The following CEP290 variants were observed in gnomAD, a reference collection of about 807,000 sequenced individuals.
The protein encoded by CEP290 is centrosomal protein of 290 kDa.
Under a neutral mutation model 344.9 loss-of-function variants are expected in CEP290, and 317 were observed. The ratio of observed to expected loss-of-function variants is 0.92; its 90% CI spans 0.84 to 1.01. The LOEUF is 1.01. CEP290 is among the 50% of genes least tolerant of loss of function. CEP290 has a pLI of 0.00. For missense variants in CEP290, 2,754 were observed against 2,761.4 expected, an observed-to-expected ratio of 1.00 and a Z score of 0.06; for synonymous variants, 932 against 895.8, an observed-to-expected ratio of 1.04 and a Z score of -0.72.
At position 88,079,160 on chromosome 12, in the gene CEP290, C is replaced by A. The variant is rs2137081594; in HGVS notation, c.5296G>T (p.Ala1766Ser). Residue 1766 changes from alanine (A) to serine (S), a missense_variant, in exon 39 of 54, where the codon GCA (alanine) becomes TCA (serine). Coordinates refer to ENST00000552810, the MANE Select transcript of CEP290 (RefSeq NM_025114.4). ...TAAAEERIISATSQKEAHLNV... is the reference protein window; with the variant it reads ...TAAAEERIISSTSQKEAHLNV... ...AGATGGGCCTCTTTTTGAGAAGTTG[C>A]AGAAATAATACGTTCTTCAGCAGCT... The A allele has an allele frequency of 6.2e-7, 1 of 1,603,096 alleles. No individual in the cohort carries two copies. The highest frequency in any genetic ancestry group is 8.5e-7 in the Non-Finnish European group (1 of 1,175,744).
intron 26 of CEP290, among the ~76,000 whole-genome samples, chr12:88,101,878 C>CT (rs1565868935): frequency 6.6e-6 from 1 of 152,122 alleles, no homozygotes; most frequent in African/African-American, 2.4e-5. Flanking sequence ...ATAATCACCT[C>CT]TCTTTGGCAA....
chr12:88,093,991 T>C lies in CEP290; in HGVS notation c.3104-16A>G, dbSNP rs2037246037. 7 of 1,561,352 alleles carry C rather than the reference T, an allele frequency of 4.5e-6. No individual in the cohort carries two copies. Among genetic ancestry groups the C allele is most frequent in the Non-Finnish European group, 5.2e-6 (6 of 1,148,066 alleles). ...GATTCATTACCTACATGCAATAATA[T>C]TTAAGTCAATCTCATGCTGTTTATA... On this transcript the variant is annotated splice_polypyrimidine_tract_variant and intron_variant, in intron 27 of 53. Coordinates refer to ENST00000552810, the MANE Select transcript of CEP290 (RefSeq NM_025114.4).
chr12:88,130,705 T>G, intron 7 of CEP290, 140 bp from the exon 8 acceptor site: 1 of 563,344 alleles, frequency 1.8e-6, no homozygotes, highest in Non-Finnish European at 2.9e-6. Flanking sequence ...GAAAGAATAC[T>G]AATTATCTAC....
rs565676272 is a variant in CEP290 at position 88,125,459 on chromosome 12, G to C, written c.1066-90C>G. On this transcript the variant is annotated intron_variant, in intron 12 of 53. Transcript: ENST00000552810. ...AAGTACGTCTGATTTTTTTCAACAA[G>C]ACTGTAGAACATATTTTCTTGTGGG... 7.7e-4 allele frequency: 436 copies of C among 563,418 alleles called. 2 individuals carry two copies. Among genetic ancestry groups the C allele is most frequent in the Non-Finnish European group, 6.9e-5 (26 of 375,694 alleles). 34.9% of individuals were successfully genotyped at this position (563,418 alleles called of 1,614,324 possible). A position where few individuals can be genotyped will look rare whatever the true frequency, so the allele number is the denominator to read the frequency against.
intron 47 of CEP290, 84 bp downstream of exon 47, chr12:88,060,746 A>G (rs2034414897): frequency 1.0e-6 from 1 of 991,980 alleles, no homozygotes; most frequent in Non-Finnish European, 1.5e-6. Flanking sequence ...CATTTTATAT[A>G]GTAATGAGCA....
At chr12:88,121,603 A>G (rs1331953265) in intron 13 of CEP290, among the ~76,000 whole-genome samples, 2 of 135,650 alleles carry the variant, frequency 1.5e-5, no homozygotes, top group African/African-American at 5.5e-5. Flanking sequence ...CAAAGTTCAT[A>G]TGTGAATTTC....
chr12:88,112,389 T>C (rs751174582), intron 20 of CEP290, among the ~76,000 whole-genome samples: 1 of 152,166 alleles, frequency 6.6e-6, no homozygotes, highest in Non-Finnish European at 1.5e-5. Flanking sequence ...AATTTTTCAG[T>C]GCTTCCTCTC....
intron 32 of CEP290, 56 bp from the exon 33 acceptor site, chr12:88,086,554 A>C: frequency 8.5e-7 from 1 of 1,175,736 alleles, no homozygotes; most frequent in Non-Finnish European, 1.2e-6. Flanking sequence ...GGCACATAAC[A>C]GGCATTTTAT....
intron 22 of CEP290, among the ~76,000 whole-genome samples, chr12:88,110,253 G>A (rs929274534): frequency 1.4e-4 from 22 of 152,166 alleles, no homozygotes; most frequent in Middle Eastern, 6.8e-3. Flanking sequence ...ATAAAATAAT[G>A]AAAAGGATCT....
At chr12:88,052,612 A>G (rs769653147) in intron 52 of CEP290, among the ~76,000 whole-genome samples, 5 of 152,186 alleles carry the variant, frequency 3.3e-5, no homozygotes, top group Non-Finnish European at 7.3e-5. Context: ...TGCTACGGGA[A>G]ATATGTACAG....
rs772088416 is a variant in CEP290, at chr12:88,083,048, A to C, written c.4995T>G (p.Phe1665Leu). ...AGACTTACTGTAATTTGATATTTTCAAATTCTTTTACTTTTAATTCAGTGA... is the reference window on the plus strand; with the variant it reads ...AGACTTACTGTAATTTGATATTTTCCAATTCTTTTACTTTTAATTCAGTGA... ...REITELKVKE[F>L]ENIKLQLQEN... Residue 1665 changes from phenylalanine (F) to leucine (L), a missense_variant, in exon 37 of 54, where the codon TTT (phenylalanine) becomes TTG (leucine). Coordinates refer to ENST00000552810, the MANE Select transcript of CEP290 (RefSeq NM_025114.4). 1 of 1,503,290 alleles carries C rather than the reference A, an allele frequency of 6.7e-7. No individual in the cohort carries two copies. The highest frequency in any genetic ancestry group is 2.3e-5 in the Admixed American group (1 of 43,580). The allele number at this position is 1,503,290 out of a possible 1,614,324, so 93.1% of individuals were successfully genotyped here.
rs377142184 is a variant in CEP290 at position 88,111,783 on chromosome 12, C to T, written c.2128G>A (p.Gly710Arg). Residue 710 changes from glycine (G) to arginine (R), a missense_variant, in exon 21 of 54, where the codon GGA (glycine) becomes AGA (arginine). By Grantham distance (125) the Gly-to-Arg change is moderately radical. Transcript: ENST00000552810. ...TCCTGTCTTAATTCTTCATTTCTTC[C>T]GGTAAGCTGATCAACTTGGGCTTTC... ...HLKAQVDQLT[G>R]RNEELRQELR... 6.9e-5 allele frequency: 111 copies of T among 1,606,732 alleles called. No homozygotes were observed. The highest frequency in any genetic ancestry group is 8.6e-5 in the Non-Finnish European group (101 of 1,177,018).
intron 49 of CEP290, 28 bp from the exon 50 acceptor site, chr12:88,055,745 A>T: frequency 7.2e-7 from 1 of 1,396,326 alleles, no homozygotes; most frequent in Non-Finnish European, 9.6e-7. Flanking sequence ...AAAAGTATAG[A>T]CATGGCAAAT....
Position 88,062,740 on chromosome 12 carries a change from A to G in CEP290, c.6309T>C (p.Leu2103=). The change falls in exon 46 of 54, where the codon CTT becomes CTC. Residue 2103 remains leucine (L), a synonymous_variant. Coordinates refer to ENST00000552810, the MANE Select transcript of CEP290 (RefSeq NM_025114.4). ...GCTGAACTTCTGCTTTTTCTTTCTT[A>G]AGAAATTCACACATTTCCTTCAAAT... ...VRDLKEMCEF[L]KKEKAEVQRK... is the part of the protein sequence containing the mutation. 3.1e-6 allele frequency: 5 copies of G among 1,598,136 alleles called. No individual in the cohort carries two copies. The highest frequency in any genetic ancestry group is 4.3e-6 in the Non-Finnish European group (5 of 1,171,304).
In CEP290 at chr12:88,107,879, G is replaced by A. The variant is rs540929684; in HGVS notation, c.2484-781C>T. ...ATAGCGCCACTGCACTCCAGCCTGGGTGACAGAGCAAGACTCTGTCTCAAG... is the reference window on the plus strand; with the variant it reads ...ATAGCGCCACTGCACTCCAGCCTGGATGACAGAGCAAGACTCTGTCTCAAG... On this transcript the variant is annotated intron_variant, in intron 23 of 53. Coordinates refer to ENST00000552810, the MANE Select transcript of CEP290 (RefSeq NM_025114.4). Among the ~76,000 whole-genome samples the A allele has an allele frequency of 2.5e-3, 372 of 151,500 alleles. 3 individuals carry two copies. The highest frequency in any genetic ancestry group is 8.6e-3 in the African/African-American group (354 of 41,258).
rs2033252841 is a variant in CEP290 at position 88,049,379 on chromosome 12, A to C, written c.7245T>G (p.Asn2415Lys). Residue 2415 changes from asparagine to lysine, a missense_variant, in exon 54 of 54, where the codon AAT becomes AAG. Transcript: ENST00000552810. ...TTTCTTCAAAAAATGAAGGATCAAAATTTTCCAGTTCTTTTTTCAGCTTCT... is the reference window on the plus strand; with the variant it reads ...TTTCTTCAAAAAATGAAGGATCAAACTTTTCCAGTTCTTTTTTCAGCTTCT... ...EIKKLKKELENFDPSFFEEIE... is the reference protein window; with the variant it reads ...EIKKLKKELEKFDPSFFEEIE... The C allele has an allele frequency of 6.5e-7, 1 of 1,545,854 alleles. No homozygotes were observed. Among genetic ancestry groups the C allele is most frequent in the Non-Finnish European group, 8.8e-7 (1 of 1,131,280 alleles).
At chr12:88,080,131 A>G in intron 38 of CEP290, 51 bp downstream of exon 38, 1 of 1,179,328 alleles carries the variant, frequency 8.5e-7, no homozygotes, top group Non-Finnish European at 1.2e-6. Flanking sequence ...CTCTAAAAGC[A>G]ATCTACCACA....
intron 50 of CEP290, among the ~76,000 whole-genome samples, chr12:88,054,782 A>AG (rs1344685040): frequency 6.6e-6 from 1 of 152,094 alleles, no homozygotes; most frequent in Non-Finnish European, 1.5e-5. Flanking sequence ...AGTGATGGCA[A>AG]GTAGTATAGG....
intron 6 of CEP290, among the ~76,000 whole-genome samples, chr12:88,132,315 G>A (rs773905353): frequency 6.6e-6 from 1 of 151,964 alleles, no homozygotes; most frequent in Non-Finnish European, 1.5e-5. Flanking sequence ...GGTATACAAC[G>A]ATATTTAAAA....
Sources: allele counts gnomAD v4.1 joint callset (sites outside exome capture counted in the v4.1 genomes callset), GRCh38; gene constraint gnomAD v4.1.1; transcripts MANE v1.5; gene names NCBI Gene and HGNC (gene_info 2026-07-23, HGNC 2026-07-21).